The following CARS2 variants were observed in gnomAD, a reference collection of about 807,000 sequenced individuals.
CARS2 encodes the protein probable cysteine--tRNA ligase, mitochondrial.
CARS2 carries 52 observed loss-of-function variants against 68.8 expected under a neutral mutation model. The ratio of observed to expected loss-of-function variants is 0.76; its 90% CI spans 0.61 to 0.95. CARS2 has a LOEUF of 0.95. Among genes scored for constraint, CARS2 ranks in the 40% least tolerant of loss-of-function variants. CARS2 has a pLI of 0.00. For synonymous variants in CARS2, 314 were observed against 303.6 expected (o/e 1.03, Z -0.36); for missense variants, 780 against 754.2 (o/e 1.03, Z -0.40).
chr13:110,653,682 G>T lies in CARS2; in HGVS notation c.988-2582C>A, dbSNP rs2062283269. On this transcript the variant is annotated intron_variant, in intron 9 of 14. Transcript: ENST00000257347. This position sits in a 1 kb window ranked among gnomAD's most constrained non-coding sequence, Gnocchi z 5.6. ...GGCTTATCTTCCCTGCTCTTGCGGG[G>T]GCGGGCGCTACTGCAGCGAGCTATA... Among the ~76,000 whole-genome samples the T allele has an allele frequency of 6.6e-6, 1 of 152,202 alleles. No individual in the cohort carries two copies. The highest frequency in any genetic ancestry group is 2.1e-4 in the South Asian group (1 of 4,832).
chr13:110,711,615 A>T (rs984055361), intron 1 of CARS2, among the ~76,000 whole-genome samples: 1 of 152,258 alleles, frequency 6.6e-6, no homozygotes, highest in African/African-American at 2.4e-5. Flanking sequence ...GAATAGCGTG[A>T]TCTGTAAGTA....
chr13:110,712,530 A>AG (rs144160325), intron 1 of CARS2: 39,538 of 244,190 alleles, frequency 0.16, 3,657 homozygotes, highest in African/African-American at 0.36. Flanking sequence ...TTTGGCCGGA[A>AG]GGGGGGGGGC....
At chr13:110,712,898 A>C (rs374662276) in intron 1 of CARS2, 4 of 1,506,236 alleles carry the variant, frequency 2.7e-6, no homozygotes, top group East Asian at 2.4e-5. Context: ...GGGAGACGAC[A>C]CAAAGGGAGG....
intron 3 of CARS2, among the ~76,000 whole-genome samples, chr13:110,689,966 C>T (rs557062585): frequency 5.3e-5 from 8 of 152,320 alleles, no homozygotes; most frequent in Middle Eastern, 6.8e-3. Context: ...CGGTGGCTCA[C>T]GCCTGTAATC....
intron 10 of CARS2, among the ~76,000 whole-genome samples, chr13:110,649,525 AGT>A (rs1202298635): frequency 6.6e-6 from 1 of 152,238 alleles, no homozygotes; most frequent in African/African-American, 2.4e-5. Context: ...TGTGACATAA[AGT>A]GTGCTGGCCA....
intron 7 of CARS2, among the ~76,000 whole-genome samples, chr13:110,673,885 T>C (rs967050327): frequency 6.6e-6 from 1 of 152,174 alleles, no homozygotes; most frequent in East Asian, 1.9e-4. Context: ...ACAAAATCAA[T>C]GTGCAAAAAT....
chr13:110,680,155 G>C (rs1403254946), intron 6 of CARS2, among the ~76,000 whole-genome samples: 45 of 8,246 alleles, frequency 5.5e-3, no homozygotes, highest in African/African-American at 0.01. Context: ...CGAGGGGGGG[G>C]GGGGGGGGGG....
intron 3 of CARS2, among the ~76,000 whole-genome samples, chr13:110,693,292 C>T (rs981380282): frequency 6.6e-6 from 1 of 152,074 alleles, no homozygotes; most frequent in Non-Finnish European, 1.5e-5. Flanking sequence ...ACATGGCTCA[C>T]AAATGCTACA....
In CARS2 at chr13:110,706,058, G is replaced by C. The variant is rs1478951926; in HGVS notation, c.36C>G (p.Pro12=). The C allele has an allele frequency of 1.3e-5, 17 of 1,359,626 alleles. No homozygotes were observed. Among genetic ancestry groups the C allele is most frequent in the Non-Finnish European group, 1.6e-5 (17 of 1,057,772 alleles). 84.2% of individuals were successfully genotyped at this position (1,359,626 alleles called of 1,614,324 possible). ...GGCCCAGCGCGGCCTGGAGCAGCGGGGGGCCCAGGCCTGGGCCGCGCGTAG... is the reference window on the plus strand; with the variant it reads ...GGCCCAGCGCGGCCTGGAGCAGCGGCGGGCCCAGGCCTGGGCCGCGCGTAG... The part of the protein sequence containing the change: ...LRTTRGPGLG[P]PLLQAALGLG... Residue 12 remains proline (P), a synonymous_variant, in exon 1 of 15, where the codon CCC becomes CCG. Coordinates refer to ENST00000257347, the MANE Select transcript of CARS2 (RefSeq NM_024537.4).
rs144710933 is a variant in CARS2, at chr13:110,665,884, G to A, written c.919+1456C>T. The A allele has an allele frequency of 1.3e-4, 129 of 985,282 alleles. 1 individual carries two copies. In the African/African-American group the frequency reaches 2.0e-3, roughly 15 times the overall value. The allele number at this position is 985,282 out of a possible 1,614,324, so 61.0% of individuals were successfully genotyped here. A position where few individuals can be genotyped will look rare whatever the true frequency, so the allele number is the denominator to read the frequency against. The stretch of plus-strand genomic sequence containing the variant: ...TGACATCTTAATTTCCCAATTCAAG[G>A]GTTTCAAAAACTAGTATTTGTTAAT... On this transcript the variant is annotated intron_variant, in intron 8 of 14. Coordinates refer to ENST00000257347, the MANE Select transcript of CARS2 (RefSeq NM_024537.4). This position sits in a 1 kb window ranked among gnomAD's most constrained non-coding sequence, Gnocchi z 4.3.
intron 2 of CARS2, among the ~76,000 whole-genome samples, chr13:110,702,885 C>A (rs867350076): frequency 6.6e-6 from 1 of 152,204 alleles, no homozygotes; most frequent in Non-Finnish European, 1.5e-5. Flanking sequence ...GCTCTTTCTG[C>A]CCCATTTTCT....
At chr13:110,645,725 A>T in intron 12 of CARS2, 1 of 457,466 alleles carries the variant, frequency 2.2e-6, no homozygotes, top group Non-Finnish European at 3.9e-6. Flanking sequence ...AGAATTTCTC[A>T]GCCTCAGGGG....
Position 110,668,266 on chromosome 13 carries a change from G to A in CARS2, c.786-793C>T, listed in dbSNP as rs570890633. Among the ~76,000 whole-genome samples the A allele has an allele frequency of 6.0e-4, 91 of 152,308 alleles. No individual in the cohort carries two copies. The highest frequency in any genetic ancestry group is 4.2e-3 in the East Asian group (22 of 5,190). ...GTTCTAAGACTTTTACATCTTAGCC[G>A]GGCGCGGTGGCTCACGCCTGTAAAC... On this transcript the variant is annotated intron_variant, in intron 7 of 14. Transcript: ENST00000257347. This position sits in a 1 kb window ranked among gnomAD's most constrained non-coding sequence, Gnocchi z 4.1.
chr13:110,698,060 C>G (rs369552076), intron 3 of CARS2: 5 of 434,380 alleles, frequency 1.2e-5, no homozygotes, highest in South Asian at 4.9e-5. Flanking sequence ...CGGCCTCTGA[C>G]TTCCAATCCA....
chr13:110,663,010 G>A, intron 9 of CARS2: 1 of 458,172 alleles, frequency 2.2e-6, no homozygotes. Flanking sequence ...ATAGCATGAT[G>A]CCATTTTTCA....
At chr13:110,710,389 AG>A (rs2064017213), upstream of CARS2, among the ~76,000 whole-genome samples, 1 of 152,236 alleles carries the variant, frequency 6.6e-6, no homozygotes, top group South Asian at 2.1e-4. Context: ...TCTCAAAAAA[AG>A]AAAAAGAATT....
At chr13:110,682,836 G>C (rs1186297564) in intron 6 of CARS2, among the ~76,000 whole-genome samples, 2 of 152,204 alleles carry the variant, frequency 1.3e-5, no homozygotes, top group Non-Finnish European at 2.9e-5. Flanking sequence ...CACGCTGGGG[G>C]CGGGGGTGGA....
upstream of CARS2, among the ~76,000 whole-genome samples, chr13:110,710,399 T>C (rs143242398): frequency 7.0e-4 from 106 of 152,236 alleles, no homozygotes; most frequent in African/African-American, 2.5e-3. Context: ...AGAAAAAGAA[T>C]TATATGTTCA....
intron 11 of CARS2, 147 bp from the exon 12 acceptor site, chr13:110,646,237 G>C: frequency 1.1e-6 from 1 of 874,978 alleles, no homozygotes; most frequent in South Asian, 2.0e-5. Flanking sequence ...TTGAGTTCCT[G>C]AGTAGCAGAA....
Sources: gnomAD v4.1 joint callset for allele counts (sites outside exome capture counted in the v4.1 genomes callset) on GRCh38, gnomAD v4.1.1 for gene constraint, Gnocchi (gnomAD v3.1) non-coding constraint, MANE v1.5 for transcripts, NCBI Gene and HGNC (gene_info 2026-07-23, HGNC 2026-07-21) for gene names.